The following CHST11 variants were observed in gnomAD, a reference collection of about 807,000 sequenced individuals.
CHST11 encodes carbohydrate sulfotransferase 11, also known as C4S-1.
In CHST11, 9 loss-of-function variants were observed where a neutral mutation model predicts 30.4. The ratio of observed to expected loss-of-function variants is 0.30; its 90% CI spans 0.18 to 0.52. The LOEUF (loss-of-function observed/expected upper bound fraction) is 0.52, where lower values mean the gene tolerates loss of function less well. Among genes scored for constraint, CHST11 ranks in the 20% least tolerant of loss-of-function variants. The probability of loss-of-function intolerance (pLI) is 0.97; values close to 1 mark genes in which losing one functional copy is unlikely to be tolerated. For missense variants in CHST11, 348 were observed against 460.6 expected (o/e 0.76, Z 2.24); for synonymous variants, 152 against 187.8 (o/e 0.81, Z 1.56).
At chr12:104,670,851 A>AC (rs143782890) in intron 2 of CHST11, among the ~76,000 whole-genome samples, 8,104 of 150,456 alleles carry the variant, frequency 0.054, 366 homozygotes, top group East Asian at 0.26. Flanking sequence ...TCCCACACAT[A>AC]CCCCCCACAC....
At chr12:104,540,872 G>A (rs1296455430) in intron 1 of CHST11, among the ~76,000 whole-genome samples, 1 of 152,162 alleles carries the variant, frequency 6.6e-6, no homozygotes, top group Non-Finnish European at 1.5e-5. Flanking sequence ...TTGAAGTGAA[G>A]GGGTGAGGTA....
intron 1 of CHST11, among the ~76,000 whole-genome samples, chr12:104,597,955 G>C (rs1038115139): frequency 2.0e-5 from 3 of 152,102 alleles, no homozygotes; most frequent in African/African-American, 7.2e-5. Context: ...ATGAGACCTG[G>C]GCAAGTTACC....
At chr12:104,492,290 G>A (rs2037755276) in intron 1 of CHST11, among the ~76,000 whole-genome samples, 2 of 152,122 alleles carry the variant, frequency 1.3e-5, no homozygotes, top group African/African-American at 2.4e-5. Context: ...TAGAGATGGG[G>A]TTTCACTGTG....
At chr12:104,730,112 T>C (rs2040245471) in intron 2 of CHST11, among the ~76,000 whole-genome samples, 1 of 152,216 alleles carries the variant, frequency 6.6e-6, no homozygotes, top group African/African-American at 2.4e-5. Context: ...TAGGGCCTTG[T>C]ACTCACTGGT....
At chr12:104,486,526 A>C (rs1423937816) in intron 1 of CHST11, among the ~76,000 whole-genome samples, 1 of 152,166 alleles carries the variant, frequency 6.6e-6, no homozygotes, top group Non-Finnish European at 1.5e-5. Flanking sequence ...TTCACAGCCC[A>C]TGCATGCATG....
At chr12:104,635,842 G>A (rs1414250063) in intron 2 of CHST11, among the ~76,000 whole-genome samples, 2 of 152,102 alleles carry the variant, frequency 1.3e-5, no homozygotes, top group Non-Finnish European at 2.9e-5. Context: ...ACCCCAGTAT[G>A]TACAACTATT....
chr12:104,577,781 C>T (rs1424913778), intron 1 of CHST11, among the ~76,000 whole-genome samples: 5 of 152,122 alleles, frequency 3.3e-5, no homozygotes, highest in Non-Finnish European at 4.4e-5. Flanking sequence ...TTTCAAATGC[C>T]GCTGACTCAA....
At chr12:104,577,195 C>T (rs2136028694) in intron 1 of CHST11, among the ~76,000 whole-genome samples, 1 of 147,360 alleles carries the variant, frequency 6.8e-6, no homozygotes, top group South Asian at 2.1e-4. Context: ...TTCTGTTTTG[C>T]ACCGGTATGA....
chr12:104,556,958 G>A (rs2038462777), intron 1 of CHST11, among the ~76,000 whole-genome samples: 1 of 147,320 alleles, frequency 6.8e-6, no homozygotes. Context: ...TCCAGCCTGG[G>A]CAACAGAGCA....
Position 104,676,446 on chromosome 12 carries a change from C to T in CHST11, c.204+74455C>T, listed in dbSNP as rs775940771. 4.6e-5 allele frequency among the ~76,000 whole-genome samples: 7 copies of T among 152,168 alleles called. No homozygotes were observed. The East Asian group carries it at 5.8e-4, about 13-fold the overall frequency. ...CTCCTTTTCTTTTGAGACAGAGTCT[C>T]GCTCTGTCACCAGGCTGGAGTGCAG... On this transcript the variant is annotated intron_variant, in intron 2 of 2. Coordinates refer to ENST00000303694, the MANE Select transcript of CHST11 (RefSeq NM_018413.6). This position sits in a 1 kb window ranked among gnomAD's most constrained non-coding sequence, Gnocchi z 4.4.
intron 2 of CHST11, among the ~76,000 whole-genome samples, chr12:104,651,822 G>A (rs1251522276): frequency 1.3e-5 from 2 of 152,040 alleles, no homozygotes; most frequent in Admixed American, 6.5e-5. Context: ...TTGCTAACCC[G>A]ACCCATTTTC....
chr12:104,702,767 C>T (rs1056462203), intron 2 of CHST11, among the ~76,000 whole-genome samples: 6 of 152,240 alleles, frequency 3.9e-5, no homozygotes, highest in Non-Finnish European at 8.8e-5. Flanking sequence ...TGCTATTCAT[C>T]TGAGCTGATG....
intron 2 of CHST11, among the ~76,000 whole-genome samples, chr12:104,639,431 T>C (rs190943670): frequency 1.1e-3 from 170 of 152,258 alleles, no homozygotes; most frequent in Non-Finnish European, 2.0e-3. Context: ...CCACATTAGT[T>C]TGCCTACACA....
rs531818327 is a variant in CHST11, at chr12:104,635,534, G to A, written c.204+33543G>A. Among the ~76,000 whole-genome samples the A allele has an allele frequency of 1.8e-4, 27 of 152,296 alleles. No individual in the cohort carries two copies. In the East Asian group the frequency reaches 3.9e-3, roughly 22 times the overall value. ...AAGAGCACCTGGCAGATCCAGTTCC[G>A]CTGGATGATGTCTTTGAACAAGACT... On this transcript the variant is annotated intron_variant, in intron 2 of 2. Coordinates refer to ENST00000303694, the MANE Select transcript of CHST11 (RefSeq NM_018413.6).
intron 1 of CHST11, among the ~76,000 whole-genome samples, chr12:104,480,240 A>G (rs1311063904): frequency 6.6e-6 from 1 of 152,052 alleles, no homozygotes; most frequent in East Asian, 1.9e-4. Flanking sequence ...GAACCTCAGA[A>G]TGTGACTTGA....
chr12:104,700,194 T>C (rs1212772437), intron 2 of CHST11, among the ~76,000 whole-genome samples: 1 of 152,198 alleles, frequency 6.6e-6, no homozygotes, highest in Non-Finnish European at 1.5e-5. Context: ...TAAATTCCAG[T>C]ACTACAAGGA....
intron 1 of CHST11, among the ~76,000 whole-genome samples, chr12:104,596,424 A>C (rs2038907466): frequency 6.6e-6 from 1 of 152,220 alleles, no homozygotes; most frequent in South Asian, 2.1e-4. Context: ...TGGGTGATTT[A>C]GTACAGCAGT....
At chr12:104,724,408 T>C (rs531981026) in intron 2 of CHST11, among the ~76,000 whole-genome samples, 2 of 152,212 alleles carry the variant, frequency 1.3e-5, no homozygotes, top group Admixed American at 6.5e-5. Flanking sequence ...GCCATGGCAA[T>C]GTGCTGAATG....
At chr12:104,645,441 G>T (rs1405888924) in intron 2 of CHST11, among the ~76,000 whole-genome samples, 1 of 152,108 alleles carries the variant, frequency 6.6e-6, no homozygotes. Context: ...TGGAGCTCAG[G>T]CCTCCTATTC....
Sources: allele counts gnomAD v4.1 joint callset (sites outside exome capture counted in the v4.1 genomes callset), GRCh38; gene constraint gnomAD v4.1.1; non-coding constraint Gnocchi (gnomAD v3.1); transcripts MANE v1.5; gene names NCBI Gene and HGNC (gene_info 2026-07-23, HGNC 2026-07-21).